The following ANAPC2 variants were observed in gnomAD, a reference collection of about 807,000 sequenced individuals.
ANAPC2 encodes the protein anaphase-promoting complex subunit 2.
In ANAPC2, 29 loss-of-function variants were observed where a neutral mutation model predicts 84.3. The observed-to-expected ratio is 0.34, with a 90% CI of 0.26 to 0.47. The LOEUF (loss-of-function observed/expected upper bound fraction) is 0.47, where lower values mean the gene tolerates loss of function less well. Ranked by LOEUF, ANAPC2 falls within the 20% of genes least tolerant of loss-of-function variation. The probability of loss-of-function intolerance (pLI) is 1.00; values close to 1 mark genes in which losing one functional copy is unlikely to be tolerated. For synonymous variants in ANAPC2, 571 were observed against 479.4 expected, an observed-to-expected ratio of 1.19 and a Z score of -2.50; for missense variants, 857 against 1,131.7, an observed-to-expected ratio of 0.76 and a Z score of 3.48.
Position 137,188,425 on chromosome 9 carries a change from C to T in ANAPC2, c.108G>A (p.Ala36=), listed in dbSNP as rs1322746627. 4 of 1,607,768 alleles carry T rather than the reference C, an allele frequency of 2.5e-6. No homozygotes were observed. The African/African-American group carries it at 5.3e-5, about 21-fold the overall frequency. Residue 36 remains alanine (A), a synonymous_variant, in exon 1 of 13, where the codon GCG becomes GCA. Transcript: ENST00000323927. The part of the protein sequence containing the change: ...TVSTGLVPPA[A]LGLVSSRTSG... Reference sequence around the variant, plus strand: ...TCTTCCCAGGCCTCACCAGCCCCAGCGCAGCCGGCGGCACCAGGCCGGTGC... The same window carrying T: ...TCTTCCCAGGCCTCACCAGCCCCAGTGCAGCCGGCGGCACCAGGCCGGTGC...
At position 137,188,549 on chromosome 9, in the gene ANAPC2, C is replaced by G; in HGVS notation, c.-17G>C. 1.3e-6 allele frequency: 2 copies of G among 1,598,894 alleles called. No homozygotes were observed. The highest frequency in any genetic ancestry group is 2.2e-5 in the South Asian group (2 of 90,156). On this transcript the variant is annotated 5_prime_UTR_variant, in exon 1 of 13. Coordinates refer to ENST00000323927, the MANE Select transcript of ANAPC2 (RefSeq NM_013366.4). ...CGCCGCCATCTGCACCCACCGACTC[C>G]GAGATTCGCTCGGCGCGGCGCGCGG... is the stretch of plus-strand genomic sequence containing the variant.
rs781782345 is a variant in ANAPC2 at position 137,185,101 on chromosome 9, G to A, written c.874-14C>T. The A allele has an allele frequency of 1.1e-5, 16 of 1,519,780 alleles. No individual in the cohort carries two copies. The highest frequency in any genetic ancestry group is 8.4e-5 in the African/African-American group (6 of 71,212). 94.1% of individuals were successfully genotyped at this position (1,519,780 alleles called of 1,614,324 possible). ...CCGCTCGATCCACTGTCAGGAGAAC[G>A]CTAGTGTGAGCTGCAGGGAGGCATG... is the stretch of plus-strand genomic sequence containing the variant. On this transcript the variant is annotated splice_polypyrimidine_tract_variant and intron_variant, in intron 3 of 12. Transcript: ENST00000323927.
rs147593956 is a variant in ANAPC2 at position 137,188,468 on chromosome 9, A to C, written c.65T>G (p.Val22Gly). 2.7e-4 allele frequency: 435 copies of C among 1,610,382 alleles called. No homozygotes were observed. The highest frequency in any genetic ancestry group is 3.4e-4 in the Non-Finnish European group (402 of 1,179,544). Residue 22 changes from valine (V) to glycine (G), a missense_variant, in exon 1 of 13, where the codon GTG (valine) becomes GGG (glycine). Physicochemically the swap from Val to Gly is moderately radical, Grantham distance 109. Coordinates refer to ENST00000323927, the MANE Select transcript of ANAPC2 (RefSeq NM_013366.4). ...GCCGGTGCTCACGGTGTTCCAGGCC[A>C]CTAACAACTCCTGTCCGGGCCGGGA... Reference protein sequence around the residue: ...SDSRPGQELLVAWNTVSTGLV... With the variant: ...SDSRPGQELLGAWNTVSTGLV...
At chr9:137,182,108 A>G (rs974238273) in intron 6 of ANAPC2, among the ~76,000 whole-genome samples, 9 of 152,226 alleles carry the variant, frequency 5.9e-5, no homozygotes, top group Non-Finnish European at 1.3e-4. Flanking sequence ...CCCAGCACAT[A>G]GGGACACTAA....
intron 2 of ANAPC2, 166 bp from the exon 3 acceptor site, chr9:137,186,522 T>TA (rs1163747002): frequency 9.7e-7 from 1 of 1,034,238 alleles, no homozygotes; most frequent in Non-Finnish European, 1.4e-6. Context: ...GGGGCGGTTG[T>TA]ACCAAAGGCT....
At chr9:137,181,198 C>CT (rs1834333857) in intron 7 of ANAPC2, among the ~76,000 whole-genome samples, 2 of 152,246 alleles carry the variant, frequency 1.3e-5, no homozygotes, top group South Asian at 4.1e-4. Flanking sequence ...GGGTTTTCCT[C>CT]TGAGAGAGAC....
chr9:137,183,056 C>G, intron 6 of ANAPC2, 69 bp downstream of exon 6: 1 of 1,349,344 alleles, frequency 7.4e-7, no homozygotes, highest in Non-Finnish European at 1.1e-6. Flanking sequence ...CGGCTGCCCC[C>G]CAGGACCACG....
At chr9:137,187,152 A>AG in intron 2 of ANAPC2, 1 of 325,490 alleles carries the variant, frequency 3.1e-6, no homozygotes, top group Non-Finnish European at 5.7e-6. Flanking sequence ...CGAGGGTGAG[A>AG]ATCATTCCTC....
intron 4 of ANAPC2, among the ~76,000 whole-genome samples, chr9:137,184,382 A>AAGGCACGGGGAGCCCAGACGC (rs1279319832): frequency 6.7e-6 from 1 of 150,090 alleles, no homozygotes; most frequent in African/African-American, 2.5e-5. Context: ...AGACACGGTG[A>AAGGCACGGGGAGCCCAGACGC]AGGCACGGGG....
At chr9:137,185,540 C>T (rs1384132185) in intron 3 of ANAPC2, among the ~76,000 whole-genome samples, 7 of 152,218 alleles carry the variant, frequency 4.6e-5, no homozygotes, top group Non-Finnish European at 8.8e-5. Context: ...GTGGCAAGAC[C>T]GCACGGATGT....
At chr9:137,183,579 G>C in intron 5 of ANAPC2, 93 bp downstream of exon 5, 1 of 1,514,814 alleles carries the variant, frequency 6.6e-7, no homozygotes, top group African/African-American at 1.4e-5. Flanking sequence ...TACAAGTCCA[G>C]GGCTGGCAGA....
intron 10 of ANAPC2, chr9:137,177,117 T>G (rs1834239417): frequency 6.6e-6 from 1 of 152,236 alleles, no homozygotes; most frequent in East Asian, 1.9e-4. Flanking sequence ...GTCTGAAGGC[T>G]TCGGCACTGG....
At position 137,183,202 on chromosome 9, in the gene ANAPC2, G is replaced by A; in HGVS notation, c.1209C>T (p.Ala403=). 6.2e-7 allele frequency: 1 copy of A among 1,613,282 alleles called. No individual in the cohort carries two copies. The part of the protein sequence containing the change: ...TCDIITLYIS[A]IKALRVLDPS... Reference sequence around the variant, plus strand: ...GGTCCAGCACGCGCAGCGCCTTGATGGCAGAGATATAGAGGGTGATGATGT... The same window carrying A: ...GGTCCAGCACGCGCAGCGCCTTGATAGCAGAGATATAGAGGGTGATGATGT... Residue 403 remains alanine, a synonymous_variant, in exon 6 of 13, where the codon GCC becomes GCT. Transcript: ENST00000323927.
At chr9:137,181,346 G>A (rs973346388) in intron 7 of ANAPC2, among the ~76,000 whole-genome samples, 8 of 152,218 alleles carry the variant, frequency 5.3e-5, no homozygotes, top group Non-Finnish European at 1.0e-4. Context: ...GGGACTTTGA[G>A]GCCCAAATCA....
rs756475818 is a variant in ANAPC2, at chr9:137,180,210, C to T, written c.1861G>A (p.Ala621Thr). The T allele has an allele frequency of 1.1e-5, 17 of 1,613,626 alleles. No individual in the cohort carries two copies. Among genetic ancestry groups the T allele is most frequent in the Admixed American group, 8.3e-5 (5 of 60,006 alleles). The change falls in exon 10 of 13, where the codon GCT (alanine) becomes ACT (threonine). Residue 621 changes from alanine (A) to threonine (T), a missense_variant. Transcript: ENST00000323927. Reference protein sequence around the residue: ...VPEDIRAALEAYCKKYEQLKA... With the variant: ...VPEDIRAALETYCKKYEQLKA... The stretch of plus-strand genomic sequence containing the variant: ...AGCTGCTCATACTTCTTGCAGTAAG[C>T]CTCCAGGGCTGCCCTGATATCCTCG...
chr9:137,183,700 A>G lies in ANAPC2; in HGVS notation c.1140T>C (p.Ala380=), dbSNP rs1834389145. 6.2e-6 allele frequency: 10 copies of G among 1,612,568 alleles called. No individual in the cohort carries two copies. Among genetic ancestry groups the G allele is most frequent in the Non-Finnish European group, 8.5e-6 (10 of 1,179,712 alleles). Residue 380 remains alanine (A), a synonymous_variant, in exon 5 of 13, where the codon GCT becomes GCC. Transcript: ENST00000323927. ...GATGCAGGAGCCGAGTCTCCAGGGC[A>G]GCCTTGAGGGACACGAGCAGCTGCT... ...QRQQLLVSLK[A]ALETRLLHPG...
intron 2 of ANAPC2, chr9:137,186,863 AC>A (rs1834483173): frequency 6.1e-6 from 1 of 163,666 alleles, no homozygotes; most frequent in African/African-American, 2.4e-5. Flanking sequence ...GGTCTCCCTG[AC>A]CCCTGCCAGC....
intron 10 of ANAPC2, among the ~76,000 whole-genome samples, chr9:137,179,338 C>CGTCG (rs778105836): frequency 6.5e-4 from 99 of 152,204 alleles, no homozygotes; most frequent in Non-Finnish European, 1.2e-3. Flanking sequence ...ACCATCCCGA[C>CGTCG]CCCTTCCTCC....
At position 137,181,764 on chromosome 9, in the gene ANAPC2, G is replaced by T; in HGVS notation, c.1385C>A (p.Ala462Glu). Residue 462 changes from alanine (A) to glutamate (E), a missense_variant, in exon 7 of 13, where the codon GCG becomes GAG. Ala to Glu is a moderately radical substitution (Grantham distance 107). This residue lies in a region of ANAPC2 where 425 missense variants were observed against 595.5 expected (regional missense o/e 0.71). Transcript: ENST00000323927. ...LAVELSKTDP[A>E]SLETGQDSED... ...ACTGTCCTGGCCTGTCTCCAGGCTC[G>T]CCGGGTCGGTCTTGGACAGCTCAAC... The T allele has an allele frequency of 6.2e-7, 1 of 1,610,950 alleles. No homozygotes were observed. The highest frequency in any genetic ancestry group is 1.7e-5 in the Admixed American group (1 of 59,988).
Sources: allele counts gnomAD v4.1 joint callset (sites outside exome capture counted in the v4.1 genomes callset), GRCh38; gene constraint gnomAD v4.1.1; regional missense constraint gnomAD v4.1.1; transcripts MANE v1.5; gene names NCBI Gene and HGNC (gene_info 2026-07-23, HGNC 2026-07-21).